The following RINT1 variants were observed in gnomAD, a reference collection of about 807,000 sequenced individuals.
The protein encoded by RINT1 is RAD50 interactor 1.
Under a neutral mutation model 97.7 loss-of-function variants are expected in RINT1, and 75 were observed. That is an observed-to-expected ratio of 0.77 (90% CI 0.64 to 0.93). The LOEUF is 0.93. Among genes scored for constraint, RINT1 ranks in the 40% least tolerant of loss-of-function variants. The pLI is 0.00. For synonymous variants in RINT1, 303 were observed against 326.3 expected (o/e 0.93, Z 0.77); for missense variants, 892 against 925.2 (o/e 0.96, Z 0.47).
At chr7:105,560,194 G>T (rs1431518034) in intron 11 of RINT1, among the ~76,000 whole-genome samples, 6 of 152,176 alleles carry the variant, frequency 3.9e-5, no homozygotes, top group Admixed American at 6.6e-5. Context: ...GAAGAGTGCT[G>T]CTTCTCTGAT....
chr7:105,537,466 A>G (rs1466621597), intron 3 of RINT1, among the ~76,000 whole-genome samples: 2 of 151,976 alleles, frequency 1.3e-5, no homozygotes, highest in African/African-American at 4.8e-5. Context: ...CATAGGGAGA[A>G]GTATAAAGTG....
chr7:105,534,378 T>G (rs543079451), intron 2 of RINT1, among the ~76,000 whole-genome samples: 1 of 152,106 alleles, frequency 6.6e-6, no homozygotes, highest in African/African-American at 2.4e-5. Context: ...GGGTGTAATT[T>G]TTTTTAAAAA....
At chr7:105,555,261 T>C in intron 11 of RINT1, 34 bp downstream of exon 11, 1 of 1,513,664 alleles carries the variant, frequency 6.6e-7, no homozygotes, top group Non-Finnish European at 9.1e-7. Flanking sequence ...AAGTAATATA[T>C]ACTAGTTCGA....
At chr7:105,565,783 G>GT in intron 14 of RINT1, 135 bp downstream of exon 14, 1 of 620,904 alleles carries the variant, frequency 1.6e-6, no homozygotes, top group Non-Finnish European at 2.8e-6. Context: ...TCTATCTACT[G>GT]TATGCTTACA....
chr7:105,550,503 C>G lies in RINT1; in HGVS notation c.1333+17C>G. 1 of 1,550,796 alleles carries G rather than the reference C, an allele frequency of 6.4e-7. No homozygotes were observed. The highest frequency in any genetic ancestry group is 2.2e-5 in the East Asian group (1 of 44,540). Reference sequence around the variant, plus strand: ...AGAGAAAATGTAAGTGCTGATGTGGCCAGATGGTAGGGAGATATGTCTGTT... The same window carrying G: ...AGAGAAAATGTAAGTGCTGATGTGGGCAGATGGTAGGGAGATATGTCTGTT... On this transcript the variant is annotated intron_variant, in intron 9 of 14. Coordinates refer to ENST00000257700, the MANE Select transcript of RINT1 (RefSeq NM_021930.6).
chr7:105,557,135 C>T (rs890164403), intron 11 of RINT1, among the ~76,000 whole-genome samples: 1 of 151,564 alleles, frequency 6.6e-6, no homozygotes, highest in African/African-American at 2.4e-5. Context: ...ATTAAAGAAA[C>T]TAACTATACG....
At position 105,532,247 on chromosome 7, in the gene RINT1, G is replaced by T; in HGVS notation, c.-69G>T. On this transcript the variant is annotated 5_prime_UTR_variant, in exon 1 of 15. Coordinates refer to ENST00000257700, the MANE Select transcript of RINT1 (RefSeq NM_021930.6). ...TCCGAGGCTGGGTAGTGAGTGTGTC[G>T]CTGGCCTTAGCCAGACTCCACAGGC... is the stretch of plus-strand genomic sequence containing the variant. The T allele has an allele frequency of 1.3e-6, 2 of 1,511,434 alleles. No individual in the cohort carries two copies. The allele number at this position is 1,511,434 out of a possible 1,614,324, so 93.6% of individuals were successfully genotyped here. A position where few individuals can be genotyped will look rare whatever the true frequency, so the allele number is the denominator to read the frequency against.
chr7:105,536,797 C>A (rs2133358554), intron 3 of RINT1, 48 bp downstream of exon 3: 2 of 1,135,228 alleles, frequency 1.8e-6, no homozygotes, highest in Non-Finnish European at 2.4e-6. Flanking sequence ...ATACTTTTAA[C>A]AATATAATAT....
At chr7:105,560,654 A>G (rs142975787) in intron 11 of RINT1, among the ~76,000 whole-genome samples, 124 of 152,310 alleles carry the variant, frequency 8.1e-4, no homozygotes, top group African/African-American at 2.9e-3. Context: ...TTTTATTTCA[A>G]GAACTTTAAA....
At chr7:105,564,090 C>T in intron 12 of RINT1, 143 bp downstream of exon 12, 2 of 645,814 alleles carry the variant, frequency 3.1e-6, no homozygotes, top group South Asian at 2.0e-5. Flanking sequence ...AAAGTATGTT[C>T]TCTTGGACAT....
chr7:105,547,397 A>C (rs1385343661), intron 6 of RINT1, 64 bp downstream of exon 6: 7 of 1,540,754 alleles, frequency 4.5e-6, no homozygotes, highest in Non-Finnish European at 5.3e-6. Flanking sequence ...TTGTGGCTAG[A>C]GAGTAAAACT....
rs780517838 is a variant in RINT1, at chr7:105,563,724, T to G, written c.1672-9T>G. ...GTATGCTAATGTGTTAACATGTTTT[T>G]GCTTTCAGTTCTTTCTACAACTTCA... On this transcript the variant is annotated splice_polypyrimidine_tract_variant and intron_variant, in intron 11 of 14. Coordinates refer to ENST00000257700, the MANE Select transcript of RINT1 (RefSeq NM_021930.6). The G allele has an allele frequency of 6.2e-7, 1 of 1,606,332 alleles. No individual in the cohort carries two copies. Among genetic ancestry groups the G allele is most frequent in the Non-Finnish European group, 8.5e-7 (1 of 1,174,962 alleles).
At position 105,567,160 on chromosome 7, in the gene RINT1, C is replaced by T; in HGVS notation, c.2228C>T (p.Ser743Phe). ...ACIVLNLNVG[S>F]ALLLKDVLQS... is the part of the protein sequence containing the mutation. ...ATTGTTTTGAATTTGAACGTCGGTTCTGCACTACTGCTGAAAGATGTACTG... is the reference window on the plus strand; with the variant it reads ...ATTGTTTTGAATTTGAACGTCGGTTTTGCACTACTGCTGAAAGATGTACTG... Residue 743 changes from serine (S) to phenylalanine (F), a missense_variant, in exon 15 of 15, where the codon TCT (serine) becomes TTT (phenylalanine). Transcript: ENST00000257700. 1.3e-6 allele frequency: 2 copies of T among 1,599,262 alleles called. No individual in the cohort carries two copies. The highest frequency in any genetic ancestry group is 2.2e-5 in the East Asian group (1 of 44,766).
chr7:105,547,082 A>G lies in RINT1; in HGVS notation c.688A>G (p.Ser230Gly), dbSNP rs1245937291. 2.5e-6 allele frequency: 4 copies of G among 1,613,710 alleles called. No individual in the cohort carries two copies. Among genetic ancestry groups the G allele is most frequent in the Admixed American group, 3.3e-5 (2 of 59,958 alleles). The part of the protein sequence containing the change: ...WHKILKDKLT[S>G]DFEEILAQLH... ...TAAAATTCTCAAGGACAAGCTTACA[A>G]GGTAGGGAATTTACCCATATTTTGT... The change falls in exon 5 of 15, where the codon AGT (serine) becomes GGT (glycine). Residue 230 changes from serine to glycine, a missense_variant and splice_region_variant. Physicochemically the swap from Ser to Gly is moderately conservative, Grantham distance 56. Transcript: ENST00000257700.
At chr7:105,563,629 G>A in intron 11 of RINT1, 104 bp from the exon 12 acceptor site, 1 of 985,332 alleles carries the variant, frequency 1.0e-6, no homozygotes. Context: ...ACCGTGCCCG[G>A]TCGAATTATA....
rs572413718 is a variant in RINT1, at chr7:105,555,428, A to G, written c.1671+201A>G. On this transcript the variant is annotated intron_variant, in intron 11 of 14. Coordinates refer to ENST00000257700, the MANE Select transcript of RINT1 (RefSeq NM_021930.6). ...TTAAATAGTCCTGATATTTTAATGT[A>G]TTTAATCATTGGAAAGGCAAGCAAG... The G allele has an allele frequency of 3.9e-5, 16 of 414,412 alleles. No individual in the cohort carries two copies. The Admixed American group carries it at 5.9e-4, about 15-fold the overall frequency. 25.7% of individuals were successfully genotyped at this position (414,412 alleles called of 1,614,324 possible).
intron 3 of RINT1, among the ~76,000 whole-genome samples, chr7:105,538,499 G>A (rs1790332613): frequency 6.6e-6 from 1 of 152,146 alleles, no homozygotes; most frequent in Non-Finnish European, 1.5e-5. Flanking sequence ...GTTGTTGTGG[G>A]CCCAGTTGGA....
rs181272471 is a variant in RINT1, at chr7:105,567,367, T to C, written c.*56T>C. The C allele has an allele frequency of 3.6e-4, 433 of 1,210,250 alleles. No individual in the cohort carries two copies. The African/African-American group carries it at 5.9e-3, about 17-fold the overall frequency. The allele number at this position is 1,210,250 out of a possible 1,614,324, so 75.0% of individuals were successfully genotyped here. A position where few individuals can be genotyped will look rare whatever the true frequency, so the allele number is the denominator to read the frequency against. ...TGTTTCTAAGAAAGAGGAAGCCAAT[T>C]GGATTTCAAGTTATATGATGAAATT... On this transcript the variant is annotated 3_prime_UTR_variant, in exon 15 of 15. Transcript: ENST00000257700.
intron 3 of RINT1, among the ~76,000 whole-genome samples, chr7:105,537,920 A>G (rs769135183): frequency 1.2e-4 from 18 of 152,084 alleles, no homozygotes; most frequent in South Asian, 4.1e-4. Context: ...TAAAAACCCA[A>G]TGAGTATAAG....
Sources: gnomAD v4.1 joint callset for allele counts (sites outside exome capture counted in the v4.1 genomes callset) on GRCh38, gnomAD v4.1.1 for gene constraint, MANE v1.5 for transcripts, NCBI Gene and HGNC (gene_info 2026-07-23, HGNC 2026-07-21) for gene names.